ABLIM1: variants seen among roughly 807,000 people sequenced by gnomAD.
ABLIM1 encodes the protein actin-binding LIM protein 1.
In ABLIM1, 40 loss-of-function variants were observed where a neutral mutation model predicts 107.0. The observed-to-expected ratio is 0.37, with a 90% CI of 0.29 to 0.49. The LOEUF is 0.49. Ranked by LOEUF, ABLIM1 falls within the 20% of genes least tolerant of loss-of-function variation. ABLIM1 has a pLI of 0.97. For missense variants in ABLIM1, 857 were observed against 1,008.5 expected (o/e 0.85, Z 2.04); for synonymous variants, 357 against 357.3 (o/e 1.00, Z 0.01).
intron 4 of ABLIM1, among the ~76,000 whole-genome samples, chr10:114,554,447 AC>A (rs1042571728): frequency 1.3e-5 from 2 of 152,168 alleles, no homozygotes; most frequent in Non-Finnish European, 2.9e-5. Context: ...AAATCTTAAC[AC>A]TTTGAGAAGC....
Position 114,606,780 on chromosome 10 carries a change from T to C in ABLIM1, c.245-4819A>G, listed in dbSNP as rs1055506975. ...GGTACTGTCAACCCCTTCTTAGAAA[T>C]AGACAAACTGAGGCTCAGAGGAATG... On this transcript the variant is annotated intron_variant, in intron 1 of 22. Transcript: ENST00000533213. Among the ~76,000 whole-genome samples the C allele has an allele frequency of 7.2e-5, 11 of 152,208 alleles. No homozygotes were observed. In the South Asian group the frequency reaches 1.2e-3, roughly 17 times the overall value.
intron 1 of ABLIM1, chr10:114,632,795 A>T (rs2078271779): frequency 1.0e-6 from 1 of 985,350 alleles, no homozygotes; most frequent in South Asian, 4.7e-5. Flanking sequence ...TGCATATACC[A>T]GGGAGGAACT....
intron 10 of ABLIM1, among the ~76,000 whole-genome samples, chr10:114,468,431 C>G (rs1446233893): frequency 7.2e-5 from 11 of 152,144 alleles, no homozygotes; most frequent in Admixed American, 5.9e-4. Flanking sequence ...CCGCCACCAC[C>G]CCCAGCTACT....
At chr10:114,626,189 C>T (rs921045584) in intron 1 of ABLIM1, among the ~76,000 whole-genome samples, 8 of 151,790 alleles carry the variant, frequency 5.3e-5, no homozygotes, top group Non-Finnish European at 1.0e-4. Context: ...AGACATAGTA[C>T]ATCACTGTCC....
At chr10:114,697,417 G>A (rs893767042) in intron 1 of ABLIM1, among the ~76,000 whole-genome samples, 4 of 152,232 alleles carry the variant, frequency 2.6e-5, no homozygotes, top group African/African-American at 4.8e-5. Flanking sequence ...CGCGGTTTTC[G>A]AAGCAGCTGA....
chr10:114,670,557 G>A (rs533921707), intron 1 of ABLIM1, among the ~76,000 whole-genome samples: 10 of 152,232 alleles, frequency 6.6e-5, no homozygotes, highest in Admixed American at 3.9e-4. Flanking sequence ...GCAGCAACTC[G>A]ATCTTGGCTC....
intron 1 of ABLIM1, among the ~76,000 whole-genome samples, chr10:114,630,926 C>A (rs1338537129): frequency 6.6e-6 from 1 of 152,130 alleles, no homozygotes; most frequent in Non-Finnish European, 1.5e-5. Flanking sequence ...GAAAAATGAT[C>A]ATAGAATGAT....
intron 1 of ABLIM1, among the ~76,000 whole-genome samples, chr10:114,609,257 G>A (rs1347608235): frequency 2.6e-5 from 4 of 152,104 alleles, no homozygotes; most frequent in Non-Finnish European, 5.9e-5. Flanking sequence ...CTTGAGCAAG[G>A]CCTTCTGACC....
intron 2 of ABLIM1, among the ~76,000 whole-genome samples, chr10:114,596,520 C>T (rs2075430405): frequency 6.6e-6 from 1 of 152,146 alleles, no homozygotes; most frequent in Non-Finnish European, 1.5e-5. Flanking sequence ...CCCCCCATCA[C>T]AAAATACAAC....
intron 1 of ABLIM1, among the ~76,000 whole-genome samples, chr10:114,763,202 TGTCTGGAAG>T (rs1482819871): frequency 6.6e-6 from 1 of 152,222 alleles, no homozygotes; most frequent in African/African-American, 2.4e-5. Context: ...GATAGAAAAT[TGTCTGGAAG>T]GGTTTATGGG....
At chr10:114,519,964 A>G (rs1471943509) in intron 6 of ABLIM1, among the ~76,000 whole-genome samples, 5 of 152,256 alleles carry the variant, frequency 3.3e-5, no homozygotes, top group African/African-American at 4.8e-5. Context: ...GCAAGGCTGC[A>G]GCCTCTGCCC....
chr10:114,568,083 G>A (rs1591279424), intron 4 of ABLIM1, among the ~76,000 whole-genome samples: 6 of 151,258 alleles, frequency 4.0e-5, no homozygotes, highest in African/African-American at 1.2e-4. Flanking sequence ...CCAGCTACTC[G>A]GGAGGCTGAG....
intron 1 of ABLIM1, among the ~76,000 whole-genome samples, chr10:114,641,789 A>C (rs2078765996): frequency 6.6e-6 from 1 of 152,324 alleles, no homozygotes; most frequent in African/African-American, 2.4e-5. Flanking sequence ...TGGTGAGATC[A>C]GGAGGCAGAC....
chr10:114,731,488 G>T (rs1384068707), intron 1 of ABLIM1, among the ~76,000 whole-genome samples: 4 of 151,062 alleles, frequency 2.6e-5, no homozygotes, highest in African/African-American at 2.4e-5. Flanking sequence ...TGGAGATGGA[G>T]TCTCACTCTG....
Position 114,634,129 on chromosome 10 carries a change from C to CTTTTTTTTTT in ABLIM1, c.244+23818_244+23827dup, listed in dbSNP as rs745875295. On this transcript the variant is annotated intron_variant, in intron 1 of 22. Coordinates refer to ENST00000533213, the MANE Select transcript of ABLIM1 (RefSeq NM_002313.7). ...CGTAAATGCCATTAGCTCAATTTTT[C>CTTTTTTTTTT]TTTTTTTTTTTTTTTTTTTTTGAGA... is the stretch of plus-strand genomic sequence containing the variant. 6.8e-3 allele frequency among the ~76,000 whole-genome samples: 461 copies of CTTTTTTTTTT among 68,282 alleles called. 74 individuals are homozygous for CTTTTTTTTTT. The highest frequency in any genetic ancestry group is 0.019 in the African/African-American group (296 of 15,660). The allele number at this position is 68,282 out of a possible 152,430, so 44.8% of individuals were successfully genotyped here.
At chr10:114,486,857 G>C (rs2058266517) in intron 8 of ABLIM1, among the ~76,000 whole-genome samples, 1 of 152,096 alleles carries the variant, frequency 6.6e-6, no homozygotes, top group South Asian at 2.1e-4. Context: ...TGCGAATTGA[G>C]GAGGAAAAGA....
chr10:114,540,277 G>A (rs982934510), intron 6 of ABLIM1, among the ~76,000 whole-genome samples: 9 of 152,120 alleles, frequency 5.9e-5, no homozygotes, highest in East Asian at 5.8e-4. Context: ...AAGGGACTCC[G>A]GGAGGTCTAG....
At chr10:114,745,076 C>T (rs2082356053) in intron 1 of ABLIM1, among the ~76,000 whole-genome samples, 1 of 152,140 alleles carries the variant, frequency 6.6e-6, no homozygotes, top group African/African-American at 2.4e-5. Context: ...CTATCCACTC[C>T]ACCAGCAATT....
chr10:114,600,583 G>A (rs1263446535), intron 2 of ABLIM1, among the ~76,000 whole-genome samples: 1 of 152,160 alleles, frequency 6.6e-6, no homozygotes, highest in Admixed American at 6.5e-5. Flanking sequence ...GCCATGGATA[G>A]ATGGCTTAGG....
Sources: gnomAD v4.1 joint callset for allele counts (sites outside exome capture counted in the v4.1 genomes callset) on GRCh38, gnomAD v4.1.1 for gene constraint, MANE v1.5 for transcripts, NCBI Gene and HGNC (gene_info 2026-07-23, HGNC 2026-07-21) for gene names.